Variants in LRRC4C observed in about 807,000 individuals in gnomAD.
LRRC4C encodes leucine-rich repeat-containing protein 4C.
LRRC4C carries 5 observed loss-of-function variants against 33.6 expected under a neutral mutation model. The ratio of observed to expected loss-of-function variants is 0.15; its 90% CI spans 0.08 to 0.31. LRRC4C has a LOEUF of 0.31. Ranked by LOEUF, LRRC4C falls within the 10% of genes least tolerant of loss-of-function variation. The pLI, the probability that LRRC4C is intolerant of heterozygous loss-of-function variation, is 1.00. For synonymous variants in LRRC4C, 329 were observed against 302.0 expected (o/e 1.09, Z -0.93); for missense variants, 560 against 796.7 (o/e 0.70, Z 3.58).
At chr11:40,224,023 T>G (rs1235407286) in intron 5 of LRRC4C, among the ~76,000 whole-genome samples, 1 of 152,222 alleles carries the variant, frequency 6.6e-6, no homozygotes, top group Non-Finnish European at 1.5e-5. Context: ...TTGTAAAGCT[T>G]AAAAGTACCT....
chr11:40,842,263 G>A (rs1027083643), intron 2 of LRRC4C, among the ~76,000 whole-genome samples: 1 of 152,192 alleles, frequency 6.6e-6, no homozygotes, highest in East Asian at 1.9e-4. Flanking sequence ...GCCCCATGCA[G>A]CTTCTGCCTC....
rs181301384 is a variant in LRRC4C, at chr11:41,129,626, C to A, written c.-495-195903G>T. Among the ~76,000 whole-genome samples the A allele has an allele frequency of 2.8e-3, 425 of 151,792 alleles. 2 individuals are homozygous for A. Among genetic ancestry groups the A allele is most frequent in the African/African-American group, 9.9e-3 (412 of 41,434 alleles). On this transcript the variant is annotated intron_variant, in intron 1 of 6. Coordinates refer to ENST00000528697, the MANE Select transcript of LRRC4C (RefSeq NM_001258419.2). ...TGGATTATTTTTCCTAAGACCTCTGCCATTAATAAAATCACCTTTTCAAAT... is the reference window on the plus strand; with the variant it reads ...TGGATTATTTTTCCTAAGACCTCTGACATTAATAAAATCACCTTTTCAAAT...
intron 2 of LRRC4C, among the ~76,000 whole-genome samples, chr11:40,702,075 G>T (rs1945888092): frequency 6.6e-6 from 1 of 151,926 alleles, no homozygotes; most frequent in South Asian, 2.1e-4. Context: ...TACCATATCT[G>T]TTTTACAAAA....
chr11:41,254,843 G>A (rs902037722), intron 1 of LRRC4C, among the ~76,000 whole-genome samples: 3 of 151,900 alleles, frequency 2.0e-5, no homozygotes, highest in Admixed American at 2.0e-4. Flanking sequence ...TTGCTTCAGT[G>A]GACTGTGGTT....
intron 2 of LRRC4C, among the ~76,000 whole-genome samples, chr11:40,800,958 ACTT>A (rs1565077647): frequency 6.6e-6 from 1 of 151,976 alleles, no homozygotes; most frequent in Non-Finnish European, 1.5e-5. Context: ...TACATCATAA[ACTT>A]CTTCACTACC....
At chr11:41,284,565 A>G (rs755734633) in intron 1 of LRRC4C, among the ~76,000 whole-genome samples, 6 of 152,126 alleles carry the variant, frequency 3.9e-5, no homozygotes, top group Non-Finnish European at 8.8e-5. Flanking sequence ...CACTTCATTA[A>G]CCACATTGAA....
intron 5 of LRRC4C, among the ~76,000 whole-genome samples, chr11:40,212,888 A>C (rs192010287): frequency 6.6e-6 from 1 of 152,258 alleles, no homozygotes; most frequent in African/African-American, 2.4e-5. Flanking sequence ...TAACTTGGGG[A>C]GCAATCACCA....
chr11:41,000,156 AAAC>A (rs1248317594), intron 1 of LRRC4C, among the ~76,000 whole-genome samples: 1 of 152,186 alleles, frequency 6.6e-6, no homozygotes, highest in Non-Finnish European at 1.5e-5. Flanking sequence ...GAGTATTTTA[AAAC>A]AACAGATTAT....
At chr11:40,457,267 T>G (rs530915928) in intron 3 of LRRC4C, among the ~76,000 whole-genome samples, 1 of 152,040 alleles carries the variant, frequency 6.6e-6, no homozygotes, top group Non-Finnish European at 1.5e-5. Flanking sequence ...GGCAGAAAGA[T>G]ATTTTTAAGA....
intron 3 of LRRC4C, among the ~76,000 whole-genome samples, chr11:40,603,796 T>C (rs1366851879): frequency 6.6e-6 from 1 of 152,106 alleles, no homozygotes; most frequent in African/African-American, 2.4e-5. Flanking sequence ...AGCCACAGCA[T>C]CTAAGAGGAA....
chr11:40,336,441 GC>G (rs1946606457), intron 3 of LRRC4C, among the ~76,000 whole-genome samples: 1 of 152,108 alleles, frequency 6.6e-6, no homozygotes, highest in Non-Finnish European at 1.5e-5. Context: ...AATGCCGCAG[GC>G]TACAGAAGTC....
Position 40,116,250 on chromosome 11 carries a change from C to T in LRRC4C, c.43G>A (p.Gly15Ser), listed in dbSNP as rs72885369. Residue 15 changes from glycine to serine, a missense_variant, in exon 7 of 7, where the codon GGT becomes AGT. Gly to Ser is a moderately conservative substitution (Grantham distance 56). Transcript: ENST00000528697. ...MTLHPQQIMI[G>S]PRFNRALFDP... ...AATAGGGCCCTGTTAAACCTAGGACCTATCATTATCTGCTGTGGATGTAAG... is the reference window on the plus strand; with the variant it reads ...AATAGGGCCCTGTTAAACCTAGGACTTATCATTATCTGCTGTGGATGTAAG... The T allele has an allele frequency of 2.9e-3, 4,683 of 1,612,186 alleles. 13 individuals are homozygous for T. The highest frequency in any genetic ancestry group is 3.4e-3 in the Non-Finnish European group (4,063 of 1,178,672).
chr11:40,301,593 GT>G (rs2136668684), intron 4 of LRRC4C, among the ~76,000 whole-genome samples: 1 of 152,240 alleles, frequency 6.6e-6, no homozygotes, highest in South Asian at 2.1e-4. Flanking sequence ...TGATAGCCTT[GT>G]TTTCCCCACC....
At chr11:40,579,757 C>A (rs554979992) in intron 3 of LRRC4C, among the ~76,000 whole-genome samples, 82 of 136,154 alleles carry the variant, frequency 6.0e-4, no homozygotes, top group African/African-American at 2.2e-3. Flanking sequence ...ACAACAACAA[C>A]AAAAAACAGT....
At chr11:40,717,248 TTTAAG>T (rs1946775272) in intron 2 of LRRC4C, among the ~76,000 whole-genome samples, 1 of 150,896 alleles carries the variant, frequency 6.6e-6, no homozygotes, top group African/African-American at 2.5e-5. Flanking sequence ...CTTCGGGATT[TTTAAG>T]TTTTTTCAAA....
chr11:40,228,644 A>T (rs1016705926), intron 5 of LRRC4C, among the ~76,000 whole-genome samples: 5 of 152,204 alleles, frequency 3.3e-5, no homozygotes, highest in Non-Finnish European at 5.9e-5. Context: ...ATCCACTAAC[A>T]ATGATCCCTT....
In LRRC4C at chr11:40,890,870, T is replaced by C. The variant is rs376313737; in HGVS notation, c.-407+42765A>G. Reference sequence around the variant, plus strand: ...GGCTGAAAAAAAAATTGCAAACATATCCAATGTCAAAAAGCTAAGGGGAAG... The same window carrying C: ...GGCTGAAAAAAAAATTGCAAACATACCCAATGTCAAAAAGCTAAGGGGAAG... On this transcript the variant is annotated intron_variant, in intron 2 of 6. Coordinates refer to ENST00000528697, the MANE Select transcript of LRRC4C (RefSeq NM_001258419.2). 2.4e-3 allele frequency among the ~76,000 whole-genome samples: 368 copies of C among 151,962 alleles called. 9 individuals are homozygous for C. In the South Asian group the frequency reaches 0.042, roughly 17 times the overall value.
chr11:40,379,293 T>C (rs1428054963), intron 3 of LRRC4C, among the ~76,000 whole-genome samples: 1 of 151,984 alleles, frequency 6.6e-6, no homozygotes, highest in East Asian at 1.9e-4. Context: ...AAATATAAAA[T>C]TATTTTTTGA....
intron 1 of LRRC4C, among the ~76,000 whole-genome samples, chr11:41,408,746 G>GT (rs1954336521): frequency 3.0e-5 from 1 of 33,644 alleles, no homozygotes; most frequent in African/African-American, 2.0e-4. Context: ...GTATATTTTT[G>GT]TAAAAAAAAA....
Sources: gnomAD v4.1 joint callset for allele counts (sites outside exome capture counted in the v4.1 genomes callset) on GRCh38, gnomAD v4.1.1 for gene constraint, MANE v1.5 for transcripts, NCBI Gene and HGNC (gene_info 2026-07-23, HGNC 2026-07-21) for gene names.